The following CFAP20DC variants were observed in gnomAD, a reference collection of about 807,000 sequenced individuals.
The protein encoded by CFAP20DC is CFAP20 domain containing, also known as protein CFAP20DC.
Under a neutral mutation model 101.7 loss-of-function variants are expected in CFAP20DC, and 84 were observed. The ratio of observed to expected loss-of-function variants is 0.83; its 90% CI spans 0.69 to 0.99. The LOEUF (loss-of-function observed/expected upper bound fraction) is 0.99. Among genes scored for constraint, CFAP20DC ranks in the 50% least tolerant of loss-of-function variants. The pLI is 0.00. For synonymous variants in CFAP20DC, 359 were observed against 351.2 expected (o/e 1.02, Z -0.25); for missense variants, 1,007 against 970.3 (o/e 1.04, Z -0.50).
chr3:59,010,161 TC>T (rs904402008), intron 4 of CFAP20DC, among the ~76,000 whole-genome samples: 150 of 151,962 alleles, frequency 9.9e-4, no homozygotes, highest in African/African-American at 3.5e-3. Context: ...AAAAACAAGG[TC>T]TTTAGGCAAC....
At chr3:58,792,481 T>C (rs1310112401) in intron 15 of CFAP20DC, among the ~76,000 whole-genome samples, 2 of 152,150 alleles carry the variant, frequency 1.3e-5, no homozygotes, top group Admixed American at 1.3e-4. Flanking sequence ...AATTTTATTC[T>C]GAAAATCCTT....
At chr3:58,838,330 T>C (rs1354437609) in intron 13 of CFAP20DC, among the ~76,000 whole-genome samples, 1 of 152,176 alleles carries the variant, frequency 6.6e-6, no homozygotes, top group African/African-American at 2.4e-5. Context: ...GGCAGGCACA[T>C]GGACCTAGGC....
chr3:58,861,807 C>T lies in CFAP20DC; in HGVS notation c.1593+1751G>A. ...CAGACTCTAGCCGTATGCTACTGGT[C>T]ACCTTGATGGGCATGGCACAGGGGT... On this transcript the variant is annotated intron_variant, in intron 12 of 16. Coordinates refer to ENST00000482387, the MANE Select transcript of CFAP20DC (RefSeq NM_001394063.1). The surrounding 1 kb of genome is among the most constrained non-coding windows in gnomAD (Gnocchi z 4.0). 3.0e-6 allele frequency: 3 copies of T among 985,424 alleles called. No individual in the cohort carries two copies. The highest frequency in any genetic ancestry group is 3.6e-6 in the Non-Finnish European group (3 of 829,936). 61.0% of individuals were successfully genotyped at this position (985,424 alleles called of 1,614,324 possible).
chr3:58,857,317 G>A (rs1167577120), intron 12 of CFAP20DC, among the ~76,000 whole-genome samples: 1 of 152,102 alleles, frequency 6.6e-6, no homozygotes, highest in Non-Finnish European at 1.5e-5. Flanking sequence ...ACCTGTGATG[G>A]GTCAGAGTAC....
At chr3:58,981,311 C>T in intron 4 of CFAP20DC, among the ~76,000 whole-genome samples, 1 of 152,000 alleles carries the variant, frequency 6.6e-6, no homozygotes. Flanking sequence ...AATGCCATCC[C>T]CATCAAGCTA....
chr3:58,831,472 C>T (rs555030745), intron 14 of CFAP20DC, among the ~76,000 whole-genome samples: 1 of 152,336 alleles, frequency 6.6e-6, no homozygotes, highest in Admixed American at 6.5e-5. Flanking sequence ...ATCATATATA[C>T]ATTTTCTGAA....
In CFAP20DC at chr3:58,861,972, C is replaced by A; in HGVS notation, c.1593+1586G>T. The stretch of plus-strand genomic sequence containing the variant: ...GCAGAGTAGCTACAGCAAAAGAAAG[C>A]ATTAAGTGATATCAAATTAAAATAT... On this transcript the variant is annotated intron_variant, in intron 12 of 16. Coordinates refer to ENST00000482387, the MANE Select transcript of CFAP20DC (RefSeq NM_001394063.1). This position sits in a 1 kb window ranked among gnomAD's most constrained non-coding sequence, Gnocchi z 4.0. 1.0e-6 allele frequency: 1 copy of A among 985,044 alleles called. No homozygotes were observed. The highest frequency in any genetic ancestry group is 1.2e-6 in the Non-Finnish European group (1 of 829,562). 61.0% of individuals were successfully genotyped at this position (985,044 alleles called of 1,614,324 possible).
intron 4 of CFAP20DC, among the ~76,000 whole-genome samples, chr3:59,023,154 CTT>C (rs57301444): frequency 0.19 from 28,227 of 150,100 alleles, 2,633 homozygotes; most frequent in African/African-American, 0.21. Context: ...TTTCTACTCT[CTT>C]GTTTTTTTTT....
intron 5 of CFAP20DC, among the ~76,000 whole-genome samples, chr3:58,917,898 C>A (rs1178292428): frequency 6.6e-6 from 1 of 152,114 alleles, no homozygotes; most frequent in Non-Finnish European, 1.5e-5. Context: ...CCAGACCTTG[C>A]TCTTGGCTGA....
At chr3:58,901,986 A>C (rs977432975) in intron 6 of CFAP20DC, among the ~76,000 whole-genome samples, 1 of 152,162 alleles carries the variant, frequency 6.6e-6, no homozygotes, top group Non-Finnish European at 1.5e-5. Flanking sequence ...CCTATTCTGG[A>C]TATTTCATAA....
chr3:58,802,294 T>G (rs2073766269), intron 15 of CFAP20DC, among the ~76,000 whole-genome samples: 1 of 152,272 alleles, frequency 6.6e-6, no homozygotes, highest in Admixed American at 6.5e-5. Flanking sequence ...GGCATCCATT[T>G]TGCTCTGCTT....
At chr3:58,966,871 T>C (rs150129600) in intron 4 of CFAP20DC, among the ~76,000 whole-genome samples, 4 of 152,260 alleles carry the variant, frequency 2.6e-5, no homozygotes, top group East Asian at 1.9e-4. Flanking sequence ...AGATATGCCA[T>C]GTTAATGGAC....
At position 58,897,651 on chromosome 3, in the gene CFAP20DC, A is replaced by G. The variant is rs1338755389; in HGVS notation, c.551-12942T>C. On this transcript the variant is annotated intron_variant, in intron 6 of 16. Coordinates refer to ENST00000482387, the MANE Select transcript of CFAP20DC (RefSeq NM_001394063.1). The surrounding 1 kb of genome is among the most constrained non-coding windows in gnomAD (Gnocchi z 4.4). ...TTCACTTTTGAAGGTTAGTTTGGCC[A>G]GATATGAAATTCAGGATTGGGGAAA... 6.6e-6 allele frequency among the ~76,000 whole-genome samples: 1 copy of G among 152,058 alleles called. No homozygotes were observed. The highest frequency in any genetic ancestry group is 1.5e-5 in the Non-Finnish European group (1 of 68,028).
intron 4 of CFAP20DC, among the ~76,000 whole-genome samples, chr3:58,953,034 T>C (rs910426970): frequency 1.3e-5 from 2 of 151,984 alleles, no homozygotes; most frequent in Admixed American, 6.6e-5. Context: ...ATAAGGACTA[T>C]GGAATAAAAA....
At chr3:58,744,571 C>G (rs143575425) in intron 16 of CFAP20DC, among the ~76,000 whole-genome samples, 2,040 of 152,212 alleles carry the variant, frequency 0.013, 38 homozygotes, top group African/African-American at 0.046. Context: ...TGGGGGAGGG[C>G]AGAGGCAAAC....
intron 4 of CFAP20DC, among the ~76,000 whole-genome samples, chr3:58,975,536 A>G (rs1478500481): frequency 1.3e-5 from 2 of 152,204 alleles, no homozygotes; most frequent in Non-Finnish European, 2.9e-5. Flanking sequence ...TTATTTTTCT[A>G]TACAGCATAA....
chr3:58,938,697 C>T (rs1469696320), intron 4 of CFAP20DC, among the ~76,000 whole-genome samples: 1 of 152,020 alleles, frequency 6.6e-6, no homozygotes, highest in South Asian at 2.1e-4. Flanking sequence ...TTCTACAGCA[C>T]TTCCGTTCCC....
chr3:58,875,713 A>G (rs936825815), intron 7 of CFAP20DC, among the ~76,000 whole-genome samples: 1 of 152,218 alleles, frequency 6.6e-6, no homozygotes, highest in Non-Finnish European at 1.5e-5. Flanking sequence ...AGCTGAGCCC[A>G]GCTTAGCCTA....
At chr3:58,810,436 G>C (rs964535221) in intron 14 of CFAP20DC, among the ~76,000 whole-genome samples, 2 of 152,104 alleles carry the variant, frequency 1.3e-5, no homozygotes, top group African/African-American at 2.4e-5. Context: ...CATATAAACA[G>C]AACTGAAGAC....
Sources: gnomAD v4.1 joint callset for allele counts (sites outside exome capture counted in the v4.1 genomes callset) on GRCh38, gnomAD v4.1.1 for gene constraint, Gnocchi (gnomAD v3.1) non-coding constraint, MANE v1.5 for transcripts, NCBI Gene and HGNC (gene_info 2026-07-23, HGNC 2026-07-21) for gene names.